Variants in RAD54L2 observed in about 807,000 individuals in gnomAD.
The protein encoded by RAD54L2 is helicase ARIP4.
In RAD54L2, 27 loss-of-function variants were observed where a neutral mutation model predicts 138.4. The observed-to-expected ratio is 0.20, with a 90% CI of 0.14 to 0.27. The LOEUF is 0.27. Ranked by LOEUF, RAD54L2 falls within the 10% of genes least tolerant of loss-of-function variation. The pLI is 1.00. For synonymous variants in RAD54L2, 644 were observed against 723.2 expected (o/e 0.89, Z 1.76); for missense variants, 1,396 against 1,890.2 (o/e 0.74, Z 4.85).
chr3:51,549,794 AAG>A (rs1698792508), intron 2 of RAD54L2, among the ~76,000 whole-genome samples: 1 of 151,276 alleles, frequency 6.6e-6, no homozygotes, highest in South Asian at 2.1e-4. Context: ...AAAAAAAAAA[AAG>A]GGGGTGGGGA....
intron 14 of RAD54L2, 29 bp downstream of exon 14, chr3:51,640,028 G>A (rs759210635): frequency 2.0e-6 from 3 of 1,500,552 alleles, no homozygotes; most frequent in Non-Finnish European, 2.8e-6. Flanking sequence ...ATTTGAGGCT[G>A]TGTGTCTATG....
chr3:51,625,524 T>C (rs565698962), intron 3 of RAD54L2, among the ~76,000 whole-genome samples: 1 of 152,170 alleles, frequency 6.6e-6, no homozygotes, highest in East Asian at 1.9e-4. Flanking sequence ...CATACCACAG[T>C]AATAATTGGC....
At chr3:51,620,237 C>G (rs1365728414) in intron 3 of RAD54L2, among the ~76,000 whole-genome samples, 3 of 151,030 alleles carry the variant, frequency 2.0e-5, no homozygotes, top group Admixed American at 6.6e-5. Flanking sequence ...TGCTACAGGC[C>G]TGCACCACTA....
At chr3:51,586,081 C>T (rs1699701403) in intron 2 of RAD54L2, among the ~76,000 whole-genome samples, 1 of 152,026 alleles carries the variant, frequency 6.6e-6, no homozygotes, top group South Asian at 2.1e-4. Context: ...TGAATCAAGG[C>T]TGCCTTGTGT....
intron 1 of RAD54L2, among the ~76,000 whole-genome samples, 60 bp downstream of exon 1, chr3:51,538,975 G>A (rs1698482868): frequency 6.6e-6 from 1 of 152,138 alleles, no homozygotes; most frequent in East Asian, 1.9e-4. Flanking sequence ...CGCAACAATG[G>A]GGACCGACTG....
At chr3:51,613,229 G>A (rs896664503) in intron 3 of RAD54L2, among the ~76,000 whole-genome samples, 8 of 151,938 alleles carry the variant, frequency 5.3e-5, no homozygotes, top group Admixed American at 3.3e-4. Context: ...GAGCCACCAC[G>A]CCCGGCCCCA....
At chr3:51,547,574 C>CTT (rs1224015910) in intron 2 of RAD54L2, among the ~76,000 whole-genome samples, 35 of 134,078 alleles carry the variant, frequency 2.6e-4, no homozygotes, top group East Asian at 6.5e-4. Context: ...TTATAAAACA[C>CTT]TTTTTTTTTT....
At chr3:51,661,927 A>G (rs1577474084) in intron 22 of RAD54L2, among the ~76,000 whole-genome samples, 1 of 152,232 alleles carries the variant, frequency 6.6e-6, no homozygotes, top group East Asian at 1.9e-4. Flanking sequence ...TATCATTATT[A>G]CACTAAAAAA....
intron 19 of RAD54L2, among the ~76,000 whole-genome samples, chr3:51,650,714 A>G (rs1243488532): frequency 6.6e-6 from 1 of 152,234 alleles, no homozygotes; most frequent in Non-Finnish European, 1.5e-5. Context: ...TGAAGGCAGA[A>G]ATAAAGATGT....
chr3:51,592,903 C>T (rs1334898382), intron 3 of RAD54L2, among the ~76,000 whole-genome samples: 2 of 152,178 alleles, frequency 1.3e-5, no homozygotes, highest in East Asian at 3.8e-4. Flanking sequence ...ATGTTGAGCA[C>T]TCTATGCAGT....
chr3:51,612,551 A>C (rs1577424959), intron 3 of RAD54L2, among the ~76,000 whole-genome samples: 1 of 152,244 alleles, frequency 6.6e-6, no homozygotes, highest in East Asian at 1.9e-4. Flanking sequence ...TGGATATGTG[A>C]GATAACAGTG....
chr3:51,594,881 TTTTTTTTTTTG>T (rs1699927315), intron 3 of RAD54L2, among the ~76,000 whole-genome samples: 1 of 136,000 alleles, frequency 7.4e-6, no homozygotes, highest in African/African-American at 2.8e-5. Context: ...TTTTTTTTTT[TTTTTTTTTTTG>T]ACGGAGTCTC....
At chr3:51,642,067 G>A (rs781119261) in intron 15 of RAD54L2, among the ~76,000 whole-genome samples, 200 bp downstream of exon 15, 15 of 152,328 alleles carry the variant, frequency 9.8e-5, no homozygotes, top group Non-Finnish European at 1.9e-4. Context: ...AGAGTTGGGA[G>A]AGTGTAGAGA....
intron 3 of RAD54L2, among the ~76,000 whole-genome samples, chr3:51,618,134 A>ATTTTTT (rs58259844): frequency 8.9e-6 from 1 of 112,140 alleles, no homozygotes; most frequent in Non-Finnish European, 1.9e-5. Context: ...AATATTTTGT[A>ATTTTTT]TTTTTTTTTT....
intron 3 of RAD54L2, among the ~76,000 whole-genome samples, chr3:51,607,760 C>T (rs1165714638): frequency 5.5e-5 from 8 of 144,414 alleles, no homozygotes; most frequent in South Asian, 2.2e-4. Flanking sequence ...ACGGGGTGGC[C>T]GGGCAGAGGG....
At chr3:51,657,818 T>A (rs1460438944) in intron 21 of RAD54L2, 149 bp downstream of exon 21, 2 of 618,402 alleles carry the variant, frequency 3.2e-6, no homozygotes, top group Non-Finnish European at 5.8e-6. Context: ...GAAAATAGCA[T>A]TTGTAGGAGC....
intron 2 of RAD54L2, among the ~76,000 whole-genome samples, chr3:51,567,692 A>G (rs1000072247): frequency 6.6e-6 from 1 of 152,092 alleles, no homozygotes; most frequent in Non-Finnish European, 1.5e-5. Context: ...CCAAGCTCAA[A>G]ATATGTAATT....
chr3:51,540,215 A>T (rs894467226), intron 1 of RAD54L2, among the ~76,000 whole-genome samples: 1 of 152,258 alleles, frequency 6.6e-6, no homozygotes, highest in African/African-American at 2.4e-5. Flanking sequence ...CTAAAGAAGG[A>T]TAAGAAAACT....
At chr3:51,596,190 A>G (rs1699960756) in intron 3 of RAD54L2, among the ~76,000 whole-genome samples, 1 of 105,078 alleles carries the variant, frequency 9.5e-6, no homozygotes, top group African/African-American at 3.7e-5. Flanking sequence ...GGCCTCCCAA[A>G]GTGCTGGAAT....
Sources: gnomAD v4.1 joint callset for allele counts (sites outside exome capture counted in the v4.1 genomes callset) on GRCh38, gnomAD v4.1.1 for gene constraint, MANE v1.5 for transcripts, NCBI Gene and HGNC (gene_info 2026-07-23, HGNC 2026-07-21) for gene names.